The following HEG1 variants were observed in gnomAD, a reference collection of about 807,000 sequenced individuals.
HEG1 encodes the protein protein HEG homolog 1.
A neutral mutation model predicts 125.6 loss-of-function variants in HEG1; 56 were observed. That is an observed-to-expected ratio of 0.45 (90% CI 0.36 to 0.56). The LOEUF is 0.56. Ranked by LOEUF, HEG1 falls within the 20% of genes least tolerant of loss-of-function variation. The pLI is 0.00. For synonymous variants in HEG1, 644 were observed against 668.5 expected (o/e 0.96, Z 0.57); for missense variants, 1,523 against 1,670.0 (o/e 0.91, Z 1.53).
In HEG1 at chr3:124,965,808, C is replaced by T. The variant is rs761931392; in HGVS notation, c.*4844G>A. ...AATAACCAAATTCTTACAAATAATACTTTGCTGCTACAGTACTGAATAATT... is the reference window on the plus strand; with the variant it reads ...AATAACCAAATTCTTACAAATAATATTTTGCTGCTACAGTACTGAATAATT... On this transcript the variant is annotated 3_prime_UTR_variant, in exon 17 of 17. Coordinates refer to ENST00000311127, the MANE Select transcript of HEG1 (RefSeq NM_020733.2). 1 of 152,198 alleles carries T rather than the reference C, an allele frequency of 6.6e-6. No homozygotes were observed. Among genetic ancestry groups the T allele is most frequent in the Non-Finnish European group, 1.5e-5 (1 of 68,020 alleles). 9.4% of individuals were successfully genotyped at this position (152,198 alleles called of 1,614,324 possible). A position where few individuals can be genotyped will look rare whatever the true frequency, so the allele number is the denominator to read the frequency against.
At chr3:124,978,446 C>G (rs939252977) in intron 14 of HEG1, among the ~76,000 whole-genome samples, 1 of 152,166 alleles carries the variant, frequency 6.6e-6, no homozygotes, top group Admixed American at 6.5e-5. Flanking sequence ...CGCGCCCGGC[C>G]GAAAAGCTCC....
chr3:125,019,992 G>C (rs1937311776), intron 4 of HEG1, among the ~76,000 whole-genome samples: 1 of 152,126 alleles, frequency 6.6e-6, no homozygotes, highest in Non-Finnish European at 1.5e-5. Context: ...TATGAATAAA[G>C]GTTATTCTAA....
chr3:125,003,614 T>C (rs1304131503), intron 9 of HEG1, among the ~76,000 whole-genome samples: 2 of 152,132 alleles, frequency 1.3e-5, no homozygotes, highest in African/African-American at 4.8e-5. Flanking sequence ...AACAATGTGA[T>C]TTATGGTGGG....
intron 16 of HEG1, among the ~76,000 whole-genome samples, chr3:124,971,786 G>C (rs1160620318): frequency 8.1e-6 from 1 of 123,796 alleles, no homozygotes; most frequent in Non-Finnish European, 1.6e-5. Flanking sequence ...CACTGCGCCC[G>C]GCCTTTTTTT....
In HEG1 at chr3:125,001,952, C is replaced by A; in HGVS notation, c.3417G>T (p.Thr1139=). 1 of 1,613,972 alleles carries A rather than the reference C, an allele frequency of 6.2e-7. No homozygotes were observed. The highest frequency in any genetic ancestry group is 8.5e-7 in the Non-Finnish European group (1 of 1,179,868). ...GCATCCTATCAGCCAGGTCAAATAG[C>A]GTCACATTGGAGGCCAGGGAAAAGG... is the stretch of plus-strand genomic sequence containing the variant. The part of the protein sequence containing the change: ...QTTFSLASNV[T]LFDLADRMQK... The change falls in exon 11 of 17, where the codon ACG becomes ACT. Residue 1139 remains threonine (T), a synonymous_variant. Coordinates refer to ENST00000311127, the MANE Select transcript of HEG1 (RefSeq NM_020733.2).
chr3:124,996,153 C>T lies in HEG1; in HGVS notation c.3652+1536G>A, dbSNP rs533147780. On this transcript the variant is annotated intron_variant, in intron 12 of 16. Coordinates refer to ENST00000311127, the MANE Select transcript of HEG1 (RefSeq NM_020733.2). ...CTGCAGTGGTGCAATGGTGTGATTT[C>T]GGCTCACTGCAACCTCCACTCCCCG... Among the ~76,000 whole-genome samples, 38 of 151,490 alleles carry T rather than the reference C, an allele frequency of 2.5e-4. 1 individual carries two copies. In the South Asian group the frequency reaches 7.3e-3, roughly 29 times the overall value.
chr3:124,975,247 C>T lies in HEG1; in HGVS notation c.3822-1342G>A, dbSNP rs148164956. 3.3e-5 allele frequency among the ~76,000 whole-genome samples: 5 copies of T among 152,274 alleles called. No individual in the cohort carries two copies. The East Asian group carries it at 5.8e-4, about 18-fold the overall frequency. On this transcript the variant is annotated intron_variant, in intron 15 of 16. Coordinates refer to ENST00000311127, the MANE Select transcript of HEG1 (RefSeq NM_020733.2). The stretch of plus-strand genomic sequence containing the variant: ...TATCTTAAAATGTCCTTTATGTCAA[C>T]GGTAGAAAAGATAACTAGCTATTTT...
intron 1 of HEG1, among the ~76,000 whole-genome samples, chr3:125,038,893 C>A (rs1254008502): frequency 2.0e-5 from 3 of 152,200 alleles, no homozygotes; most frequent in African/African-American, 4.8e-5. Flanking sequence ...GCTGTGCCCC[C>A]TCAGACATTC....
chr3:125,032,457 G>T (rs1165681898), intron 1 of HEG1, among the ~76,000 whole-genome samples: 2 of 152,204 alleles, frequency 1.3e-5, no homozygotes, highest in Admixed American at 1.3e-4. Flanking sequence ...GCTCCTCTGG[G>T]GCCCAGTTCC....
chr3:124,971,228 C>A, intron 16 of HEG1: 1 of 454,878 alleles, frequency 2.2e-6, no homozygotes, highest in South Asian at 1.6e-5. Context: ...AAATAAAATA[C>A]TAGCTACTAT....
intron 1 of HEG1, among the ~76,000 whole-genome samples, chr3:125,038,283 A>G (rs1937564624): frequency 6.6e-6 from 1 of 152,168 alleles, no homozygotes; most frequent in African/African-American, 2.4e-5. Flanking sequence ...CACCTCTCCT[A>G]GGAGGTATAG....
In HEG1 at chr3:125,020,971, C is replaced by A. The variant is rs1417209868; in HGVS notation, c.1073G>T (p.Gly358Val). 6.2e-6 allele frequency: 10 copies of A among 1,613,814 alleles called. No individual in the cohort carries two copies. Among genetic ancestry groups the A allele is most frequent in the African/African-American group, 2.7e-5 (2 of 74,908 alleles). ...VSLGPVSKTE[G>V]FPKDSRIATT... The stretch of plus-strand genomic sequence containing the variant: ...GGCAATTCTGGAGTCCTTGGGGAAG[C>A]CTTCTGTCTTGCTCACAGGTCCCAG... The change falls in exon 4 of 17, where the codon GGC (glycine) becomes GTC (valine). Residue 358 changes from glycine to valine, a missense_variant. Gly to Val is a moderately radical substitution (Grantham distance 109, BLOSUM62 -3). Transcript: ENST00000311127.
intron 15 of HEG1, among the ~76,000 whole-genome samples, chr3:124,976,557 G>A (rs1024976679): frequency 1.3e-5 from 2 of 151,030 alleles, no homozygotes; most frequent in African/African-American, 4.9e-5. Context: ...TGGTGGTTTC[G>A]ATTTGCATTT....
At chr3:125,016,654 G>A in intron 5 of HEG1, among the ~76,000 whole-genome samples, 1 of 152,294 alleles carries the variant, frequency 6.6e-6, no homozygotes, top group Admixed American at 6.5e-5. Context: ...TTCATGATAA[G>A]CATATGCTTT....
chr3:125,010,513 C>G lies in HEG1; in HGVS notation c.2999G>C (p.Cys1000Ser). The G allele has an allele frequency of 6.4e-7, 1 of 1,560,048 alleles. No homozygotes were observed. Among genetic ancestry groups the G allele is most frequent in the East Asian group, 2.4e-5 (1 of 41,764 alleles). The change falls in exon 7 of 17, where the codon TGC becomes TCC. Residue 1000 changes from cysteine to serine, a missense_variant. By Grantham distance (112) the Cys-to-Ser change is moderately radical (BLOSUM62 -1). Coordinates refer to ENST00000311127, the MANE Select transcript of HEG1 (RefSeq NM_020733.2). ...AVNPCLHNGE[C>S]VADNTSRGYH... The stretch of plus-strand genomic sequence containing the variant: ...GCCACGGCTGGTGTTGTCTGCGACG[C>G]ATTCGCCATTGTGAAGACAAGGGTT...
At chr3:125,023,593 A>C (rs369657591) in intron 3 of HEG1, among the ~76,000 whole-genome samples, 2 of 152,214 alleles carry the variant, frequency 1.3e-5, no homozygotes, top group East Asian at 1.9e-4. Flanking sequence ...CTTCGTAAAA[A>C]GAGAAAATGT....
intron 14 of HEG1, among the ~76,000 whole-genome samples, chr3:124,987,430 G>C (rs1186451230): frequency 6.6e-6 from 1 of 151,974 alleles, no homozygotes; most frequent in Non-Finnish European, 1.5e-5. Context: ...CTGCCATCAG[G>C]TGGGATTGCA....
intron 9 of HEG1, among the ~76,000 whole-genome samples, chr3:125,003,253 C>T (rs902635800): frequency 6.6e-6 from 1 of 152,194 alleles, no homozygotes; most frequent in Non-Finnish European, 1.5e-5. Context: ...AGGTATGTTA[C>T]ATCACCAGTA....
chr3:125,004,357 T>G (rs1023817728), intron 9 of HEG1, among the ~76,000 whole-genome samples: 1 of 152,214 alleles, frequency 6.6e-6, no homozygotes, highest in Non-Finnish European at 1.5e-5. Flanking sequence ...ACCTAGAGTT[T>G]AAGAACTCAC....
Sources: allele counts gnomAD v4.1 joint callset (sites outside exome capture counted in the v4.1 genomes callset), GRCh38; gene constraint gnomAD v4.1.1; transcripts MANE v1.5; gene names NCBI Gene and HGNC (gene_info 2026-07-23, HGNC 2026-07-21).